RPL7L1: variants seen among roughly 807,000 people sequenced by gnomAD.
The protein encoded by RPL7L1 is ribosomal protein uL30-like.
A neutral mutation model predicts 30.3 loss-of-function variants in RPL7L1; 20 were observed. That is an observed-to-expected ratio of 0.66 (90% CI 0.46 to 0.96). RPL7L1 has a LOEUF of 0.96. Among genes scored for constraint, RPL7L1 ranks in the 40% least tolerant of loss-of-function variants. RPL7L1 has a pLI of 0.00. For synonymous variants in RPL7L1, 107 were observed against 110.1 expected (o/e 0.97, Z 0.18); for missense variants, 271 against 314.9 (o/e 0.86, Z 1.05).
At chr6:42,881,604 A>T (rs1434594231) in intron 2 of RPL7L1, 1 of 151,904 alleles carries the variant, frequency 6.6e-6, no homozygotes, top group Non-Finnish European at 1.5e-5. Flanking sequence ...CAAGAGTCTC[A>T]CTCTTGCCTA....
intron 2 of RPL7L1, 33 bp from the exon 3 acceptor site, chr6:42,883,418 C>A: frequency 6.6e-7 from 1 of 1,513,918 alleles, no homozygotes; most frequent in Non-Finnish European, 8.8e-7. Flanking sequence ...TATGGAGGCA[C>A]AAGATGATGA....
rs532140513 is a variant in RPL7L1 at position 42,889,515 on chromosome 6, A to G, written c.*3051A>G. 7 of 152,694 alleles carry G rather than the reference A, an allele frequency of 4.6e-5. No homozygotes were observed. The highest frequency in any genetic ancestry group is 1.2e-4 in the African/African-American group (5 of 41,540). The allele number at this position is 152,694 out of a possible 1,614,324, so 9.5% of individuals were successfully genotyped here. ...TCTCTCCAGAGGTAACCTGCCAAGAAGAGATGCTATAGATGTTACTCCTAT... is the reference window on the plus strand; with the variant it reads ...TCTCTCCAGAGGTAACCTGCCAAGAGGAGATGCTATAGATGTTACTCCTAT... On this transcript the variant is annotated 3_prime_UTR_variant, in exon 6 of 6. Transcript: ENST00000493763.
rs752709495 is a variant in RPL7L1, at chr6:42,883,598, G to A, written c.295G>A (p.Val99Ile). The change falls in exon 3 of 6, where the codon GTT becomes ATT. Residue 99 changes from valine to isoleucine, a missense_variant. By Grantham distance (29) the Val-to-Ile change is conservative. Transcript: ENST00000493763. ...GCCAGATAAACATTCCTTGGCCTTT[G>A]TTGTACGCATCGAAAGGTAAGGAAC... ...ELPDKHSLAF[V>I]VRIERIDGVS... 6 of 1,592,898 alleles carry A rather than the reference G, an allele frequency of 3.8e-6. No individual in the cohort carries two copies. The African/African-American group carries it at 5.4e-5, about 14-fold the overall frequency.
chr6:42,884,537 G>T, intron 3 of RPL7L1, 76 bp from the exon 4 acceptor site: 1 of 1,350,926 alleles, frequency 7.4e-7, no homozygotes, highest in South Asian at 1.3e-5. Flanking sequence ...CCAGTGTAGT[G>T]ACCTCGCATG....
chr6:42,879,972 A>G (rs548876200), intron 1 of RPL7L1, 21 bp downstream of exon 1: 3 of 1,613,240 alleles, frequency 1.9e-6, no homozygotes. Flanking sequence ...GGGGCTTTGA[A>G]TATCTGGAGT....
chr6:42,883,866 A>G (rs910335522), intron 3 of RPL7L1: 3 of 231,664 alleles, frequency 1.3e-5, no homozygotes, highest in Non-Finnish European at 2.5e-5. Context: ...AGGAACTTCA[A>G]CCTGAGACCT....
rs925284575 is a variant in RPL7L1 at position 42,879,876 on chromosome 6, G to A, written c.-35G>A. On this transcript the variant is annotated 5_prime_UTR_variant, in exon 1 of 6. Transcript: ENST00000493763. Reference sequence around the variant, plus strand: ...ACGTCTCTATGGTCAAGTAAACAGAGCGTGTGCTGTCTTCCCCATGTGGTG... The same window carrying A: ...ACGTCTCTATGGTCAAGTAAACAGAACGTGTGCTGTCTTCCCCATGTGGTG... 19 of 1,611,552 alleles carry A rather than the reference G, an allele frequency of 1.2e-5. No individual in the cohort carries two copies. Among genetic ancestry groups the A allele is most frequent in the Middle Eastern group, 1.8e-4 (1 of 5,492 alleles).
Position 42,886,619 on chromosome 6 carries a change from G to A in RPL7L1, c.*155G>A. On this transcript the variant is annotated 3_prime_UTR_variant, in exon 6 of 6. Transcript: ENST00000493763. ...GGCTGGTACAAATAGATGGAGACCT[G>A]CTGGGATCAGTGAATGCCTGATTAG... 1.6e-6 allele frequency: 1 copy of A among 615,710 alleles called. No homozygotes were observed. Among genetic ancestry groups the A allele is most frequent in the South Asian group, 1.9e-5 (1 of 52,086 alleles). 38.1% of individuals were successfully genotyped at this position (615,710 alleles called of 1,614,324 possible). A position where few individuals can be genotyped will look rare whatever the true frequency, so the allele number is the denominator to read the frequency against.
At position 42,887,380 on chromosome 6, in the gene RPL7L1, C is replaced by G. The variant is rs535719765; in HGVS notation, c.*916C>G. 6.6e-6 allele frequency: 1 copy of G among 152,006 alleles called. No homozygotes were observed. The highest frequency in any genetic ancestry group is 6.6e-5 in the Admixed American group (1 of 15,252). The allele number at this position is 152,006 out of a possible 1,614,324, so 9.4% of individuals were successfully genotyped here. On this transcript the variant is annotated 3_prime_UTR_variant, in exon 6 of 6. Coordinates refer to ENST00000493763, the MANE Select transcript of RPL7L1 (RefSeq NM_001366481.3). ...GGCAGATCACCTGAGGTTGGGAGTT[C>G]GAGACCAGCCTGACCAACATGGAGA...
chr6:42,883,337 G>A (rs551780424), intron 2 of RPL7L1, 114 bp from the exon 3 acceptor site: 45 of 790,506 alleles, frequency 5.7e-5, no homozygotes, highest in Admixed American at 2.9e-4. Context: ...GCTTTGCTTC[G>A]CATTGTGGAA....
chr6:42,886,380 A>C lies in RPL7L1; in HGVS notation c.684A>C (p.Lys228Asn). 1 of 1,599,694 alleles carries C rather than the reference A, an allele frequency of 6.3e-7. No individual in the cohort carries two copies. The highest frequency in any genetic ancestry group is 2.3e-4 in the Middle Eastern group (1 of 4,430). ...TCTCAGTGGCCCGTCATGCTACCAA[A>C]AATAGAGTGGGCTTCCTCAAGGAGA... Reference protein sequence around the residue: ...FHLSVARHATKNRVGFLKEMG... With the variant: ...FHLSVARHATNNRVGFLKEMG... Residue 228 changes from lysine to asparagine, a missense_variant, in exon 6 of 6, where the codon AAA (lysine) becomes AAC (asparagine). Coordinates refer to ENST00000493763, the MANE Select transcript of RPL7L1 (RefSeq NM_001366481.3).
intron 1 of RPL7L1, chr6:42,880,432 G>C: frequency 4.6e-6 from 1 of 218,568 alleles, no homozygotes; most frequent in Non-Finnish European, 9.3e-6. Flanking sequence ...TCTTTCTTCA[G>C]ATACTTGAAA....
chr6:42,886,470 G>A lies in RPL7L1; in HGVS notation c.*6G>A, dbSNP rs2114088172. On this transcript the variant is annotated 3_prime_UTR_variant, in exon 6 of 6. Coordinates refer to ENST00000493763, the MANE Select transcript of RPL7L1 (RefSeq NM_001366481.3). ...TCATCCGTCAGCTGAACTAGACCCA[G>A]GTGAGGCAGGGCTGAAAACTGCCCT... The A allele has an allele frequency of 2.8e-6, 4 of 1,453,922 alleles. No homozygotes were observed. The East Asian group carries it at 9.1e-5, about 33-fold the overall frequency. 90.1% of individuals were successfully genotyped at this position (1,453,922 alleles called of 1,614,324 possible). A position where few individuals can be genotyped will look rare whatever the true frequency, so the allele number is the denominator to read the frequency against.
intron 1 of RPL7L1, chr6:42,880,617 A>G: frequency 2.9e-6 from 1 of 350,110 alleles, no homozygotes; most frequent in Non-Finnish European, 5.3e-6. Flanking sequence ...GGTTCAAGCG[A>G]TTCTCCTGCC....
At position 42,884,605 on chromosome 6, in the gene RPL7L1, C is replaced by T. The variant is rs757046260; in HGVS notation, c.312-8C>T. 6 of 1,610,838 alleles carry T rather than the reference C, an allele frequency of 3.7e-6. No individual in the cohort carries two copies. The East Asian group carries it at 1.1e-4, about 30-fold the overall frequency. On this transcript the variant is annotated splice_polypyrimidine_tract_variant and splice_region_variant and intron_variant, in intron 3 of 5. Transcript: ENST00000493763. ...AGTCTGTCTGACTTCTGTTGCTGTT[C>T]ATTTCAGGATTGACGGCGTGAGTTT...
Position 42,879,951 on chromosome 6 carries a change from A to G in RPL7L1, c.41A>G (p.Glu14Gly), listed in dbSNP as rs575325112. 9 of 1,614,066 alleles carry G rather than the reference A, an allele frequency of 5.6e-6. No homozygotes were observed. Among genetic ancestry groups the G allele is most frequent in the Admixed American group, 5.0e-5 (3 of 60,018 alleles). ...SCTTRKMAEQ[E>G]QRKIPLVPEN... ...ACCACTAGAAAGATGGCGGAGCAAGAGTGAGTGTTTGGGGCTTTGAATATC... is the reference window on the plus strand; with the variant it reads ...ACCACTAGAAAGATGGCGGAGCAAGGGTGAGTGTTTGGGGCTTTGAATATC... The change falls in exon 1 of 6, where the codon GAG becomes GGG. Residue 14 changes from glutamate to glycine, a missense_variant and splice_region_variant. Coordinates refer to ENST00000493763, the MANE Select transcript of RPL7L1 (RefSeq NM_001366481.3).
chr6:42,881,053 C>T (rs1189542491), intron 2 of RPL7L1, 87 bp downstream of exon 2: 6 of 749,964 alleles, frequency 8.0e-6, no homozygotes, highest in Non-Finnish European at 1.4e-5. Flanking sequence ...TTGGTATTGA[C>T]GAGCTCCCCC....
rs1766320446 is a variant in RPL7L1, at chr6:42,887,587, AAAAG to A, written c.*1127_*1130del. ...AACAAGCGAAACTCTGTCTCAAAAA[AAAAG>A]AAAAGACAGTAGCATATGTTCATGT... On this transcript the variant is annotated 3_prime_UTR_variant, in exon 6 of 6. Coordinates refer to ENST00000493763, the MANE Select transcript of RPL7L1 (RefSeq NM_001366481.3). 1 of 152,230 alleles carries A rather than the reference AAAAG, an allele frequency of 6.6e-6. No individual in the cohort carries two copies. The highest frequency in any genetic ancestry group is 2.1e-4 in the South Asian group (1 of 4,830). The allele number at this position is 152,230 out of a possible 1,614,324, so 9.4% of individuals were successfully genotyped here. A position where few individuals can be genotyped will look rare whatever the true frequency, so the allele number is the denominator to read the frequency against.
rs1766334638 is a variant in RPL7L1, at chr6:42,887,915, GTC to G, written c.*1455_*1456del. 6.6e-6 allele frequency: 1 copy of G among 150,462 alleles called. No homozygotes were observed. Among genetic ancestry groups the G allele is most frequent in the East Asian group, 2.0e-4 (1 of 5,118 alleles). 9.3% of individuals were successfully genotyped at this position (150,462 alleles called of 1,614,324 possible). On this transcript the variant is annotated 3_prime_UTR_variant, in exon 6 of 6. Coordinates refer to ENST00000493763, the MANE Select transcript of RPL7L1 (RefSeq NM_001366481.3). The stretch of plus-strand genomic sequence containing the variant: ...AAGGCATAAAAATAAATGTTCACTT[GTC>G]TCTGCTGTGAGTATGTGTTCCAACT...
Sources: allele counts gnomAD v4.1 joint callset, GRCh38; gene constraint gnomAD v4.1.1; transcripts MANE v1.5; gene names NCBI Gene and HGNC (gene_info 2026-07-23, HGNC 2026-07-21).